MCHR2: variants seen among roughly 807,000 people sequenced by gnomAD.
MCHR2 encodes the protein melanin-concentrating hormone receptor 2.
A neutral mutation model predicts 24.8 loss-of-function variants in MCHR2; 15 were observed. That is an observed-to-expected ratio of 0.60 (90% CI 0.40 to 0.93). The LOEUF is 0.93. Among genes scored for constraint, MCHR2 ranks in the 40% least tolerant of loss-of-function variants. The pLI is 0.00. For missense variants in MCHR2, 386 were observed against 408.7 expected (o/e 0.94, Z 0.48); for synonymous variants, 151 against 147.6 (o/e 1.02, Z -0.17).
intron 4 of MCHR2, 71 bp from the exon 5 acceptor site, chr6:99,934,588 C>A: frequency 7.5e-7 from 1 of 1,341,814 alleles, no homozygotes; most frequent in Non-Finnish European, 9.8e-7. Context: ...TAGGAATTGG[C>A]TTTTGCAGTT....
chr6:99,957,500 T>C (rs921446144), intron 1 of MCHR2, among the ~76,000 whole-genome samples: 2 of 152,122 alleles, frequency 1.3e-5, no homozygotes, highest in African/African-American at 4.8e-5. Flanking sequence ...ATGCTGAACA[T>C]TTCCCTTTCA....
intron 5 of MCHR2, 130 bp from the exon 6 acceptor site, chr6:99,921,385 T>C (rs963721207): frequency 2.6e-6 from 2 of 778,094 alleles, no homozygotes; most frequent in Non-Finnish European, 4.0e-6. Context: ...ATTATATTCC[T>C]ACTTACTTGG....
rs115767206 is a variant in MCHR2, at chr6:99,923,480, G to A, written c.708-2225C>T. Among the ~76,000 whole-genome samples, 1,285 of 152,138 alleles carry A rather than the reference G, an allele frequency of 8.4e-3. 15 individuals are homozygous for A. The highest frequency in any genetic ancestry group is 0.029 in the African/African-American group (1,213 of 41,532). On this transcript the variant is annotated intron_variant, in intron 5 of 5. Coordinates refer to ENST00000281806, the MANE Select transcript of MCHR2 (RefSeq NM_001040179.2). ...CTTGTCATGTTCCAAATCTTAGAGG[G>A]AAGTCTTTTAGTTTTTTCCCCATTC...
intron 5 of MCHR2, among the ~76,000 whole-genome samples, chr6:99,928,046 AG>A (rs1163489187): frequency 6.6e-6 from 1 of 152,188 alleles, no homozygotes; most frequent in Non-Finnish European, 1.5e-5. Context: ...TTTAGCATGA[AG>A]TGTTGTTGAA....
At chr6:99,936,049 G>A (rs1213964271) in intron 4 of MCHR2, among the ~76,000 whole-genome samples, 1 of 151,454 alleles carries the variant, frequency 6.6e-6, no homozygotes, top group Admixed American at 6.6e-5. Context: ...GGATTATTTG[G>A]GTTTTTTTGC....
intron 2 of MCHR2, among the ~76,000 whole-genome samples, chr6:99,949,293 T>A (rs1774926364): frequency 6.6e-6 from 1 of 152,106 alleles, no homozygotes; most frequent in African/African-American, 2.4e-5. Flanking sequence ...CACAATTTGA[T>A]GAGAGAAAAC....
intron 1 of MCHR2, among the ~76,000 whole-genome samples, chr6:99,957,908 A>G (rs867752779): frequency 2.0e-5 from 3 of 152,058 alleles, no homozygotes; most frequent in Non-Finnish European, 4.4e-5. Flanking sequence ...ATAGATGTCA[A>G]TTTTCCCCAG....
chr6:99,933,441 A>T (rs1184520079), intron 5 of MCHR2, among the ~76,000 whole-genome samples: 5 of 152,112 alleles, frequency 3.3e-5, no homozygotes, highest in Admixed American at 3.3e-4. Flanking sequence ...TACATTTATA[A>T]ACTAATTTTT....
intron 5 of MCHR2, among the ~76,000 whole-genome samples, chr6:99,931,187 T>A (rs1328087000): frequency 6.6e-6 from 1 of 152,118 alleles, no homozygotes; most frequent in Admixed American, 6.5e-5. Flanking sequence ...GTCTGATTGT[T>A]CCCCTGGAAG....
At chr6:99,964,406 A>G (rs1392717469) in intron 1 of MCHR2, among the ~76,000 whole-genome samples, 1 of 152,126 alleles carries the variant, frequency 6.6e-6, no homozygotes, top group Non-Finnish European at 1.5e-5. Context: ...GGACTGGGTA[A>G]TTTATAAAGG....
At chr6:99,935,931 C>T (rs1381857210) in intron 4 of MCHR2, among the ~76,000 whole-genome samples, 1 of 151,966 alleles carries the variant, frequency 6.6e-6, no homozygotes, top group Non-Finnish European at 1.5e-5. Flanking sequence ...TTTTGATTTG[C>T]ATTTCTCTGA....
chr6:99,990,297 C>T (rs1775846721), intron 1 of MCHR2, among the ~76,000 whole-genome samples: 1 of 152,158 alleles, frequency 6.6e-6, no homozygotes, highest in Non-Finnish European at 1.5e-5. Flanking sequence ...TAATACAAAT[C>T]CCAAAGATAA....
chr6:99,950,436 CTT>C (rs1241224640), intron 2 of MCHR2, among the ~76,000 whole-genome samples: 2 of 151,918 alleles, frequency 1.3e-5, no homozygotes, highest in Non-Finnish European at 2.9e-5. Context: ...AATACAAAGA[CTT>C]GTGATAATTT....
At chr6:99,974,437 G>A (rs904161608) in intron 1 of MCHR2, among the ~76,000 whole-genome samples, 2 of 152,120 alleles carry the variant, frequency 1.3e-5, no homozygotes, top group African/African-American at 4.8e-5. Flanking sequence ...TCTCTGCATT[G>A]GTTATTCTAG....
chr6:99,919,720 T>A lies in MCHR2; in HGVS notation c.*1220A>T, dbSNP rs1482450014. On this transcript the variant is annotated 3_prime_UTR_variant, in exon 6 of 6. Transcript: ENST00000281806. ...CAAAAGGGAATGTTTCTTGTTTTTT[T>A]TTTTGTTTGTTTTGTTTTTTTTTTT... Among the ~76,000 whole-genome samples, 4 of 146,018 alleles carry A rather than the reference T, an allele frequency of 2.7e-5. No homozygotes were observed. The highest frequency in any genetic ancestry group is 6.0e-5 in the Non-Finnish European group (4 of 66,532).
chr6:99,986,609 A>G (rs1775774642), intron 1 of MCHR2, among the ~76,000 whole-genome samples: 1 of 152,174 alleles, frequency 6.6e-6, no homozygotes, highest in Non-Finnish European at 1.5e-5. Flanking sequence ...TATAAGTGGG[A>G]GCTAAACAAT....
intron 1 of MCHR2, among the ~76,000 whole-genome samples, chr6:99,958,031 ACT>A (rs1371082740): frequency 6.6e-6 from 1 of 152,038 alleles, no homozygotes; most frequent in Non-Finnish European, 1.5e-5. Flanking sequence ...TACTAAATAA[ACT>A]CTTGAAAAAA....
intron 1 of MCHR2, among the ~76,000 whole-genome samples, chr6:99,960,999 G>T (rs1178809593): frequency 6.6e-6 from 1 of 152,056 alleles, no homozygotes; most frequent in Non-Finnish European, 1.5e-5. Context: ...TTAAACTAAA[G>T]AGCTTCTGCA....
At chr6:99,941,187 G>A (rs936715007) in intron 4 of MCHR2, among the ~76,000 whole-genome samples, 2 of 150,958 alleles carry the variant, frequency 1.3e-5, no homozygotes, top group Non-Finnish European at 2.9e-5. Flanking sequence ...CAGAATGGGG[G>A]AGAGGGGTGT....
Sources: gnomAD v4.1 joint callset for allele counts (sites outside exome capture counted in the v4.1 genomes callset) on GRCh38, gnomAD v4.1.1 for gene constraint, MANE v1.5 for transcripts, NCBI Gene and HGNC (gene_info 2026-07-23, HGNC 2026-07-21) for gene names.